Variants in PLEKHH2 observed in about 807,000 individuals in gnomAD.
The protein encoded by PLEKHH2 is pleckstrin homology domain-containing family H member 2.
In PLEKHH2, 129 loss-of-function variants were observed where a neutral mutation model predicts 187.9. The observed-to-expected ratio is 0.69, with a 90% CI of 0.59 to 0.79. The LOEUF (loss-of-function observed/expected upper bound fraction) is 0.79, where lower values mean the gene tolerates loss of function less well. PLEKHH2 is among the 30% of genes least tolerant of loss of function. The probability of loss-of-function intolerance (pLI) is 0.00; values close to 1 mark genes in which losing one functional copy is unlikely to be tolerated. For missense variants in PLEKHH2, 2,076 were observed against 1,751.2 expected (o/e 1.19, Z -3.31); for synonymous variants, 686 against 605.6 (o/e 1.13, Z -1.95).
intron 3 of PLEKHH2, among the ~76,000 whole-genome samples, chr2:43,689,764 GA>G (rs1273470384): frequency 1.3e-5 from 2 of 152,156 alleles, no homozygotes; most frequent in Admixed American, 1.3e-4. Context: ...TTGAATTAAA[GA>G]GCTTCAGACA....
chr2:43,765,301 CTG>C, intron 29 of PLEKHH2, 110 bp from the exon 30 acceptor site: 1 of 960,392 alleles, frequency 1.0e-6, no homozygotes, highest in Non-Finnish European at 1.5e-6. Flanking sequence ...GAAGGGAATT[CTG>C]GTAGCCTGGG....
intron 2 of PLEKHH2, among the ~76,000 whole-genome samples, chr2:43,669,402 C>A (rs1454139389): frequency 6.6e-6 from 1 of 151,988 alleles, no homozygotes; most frequent in Non-Finnish European, 1.5e-5. Context: ...TTGCACAACT[C>A]TTTGAATATA....
intron 24 of PLEKHH2, among the ~76,000 whole-genome samples, chr2:43,746,204 T>A (rs1163535985): frequency 1.3e-5 from 2 of 152,202 alleles, no homozygotes; most frequent in Non-Finnish European, 2.9e-5. Context: ...TAGACAAACA[T>A]CAGAAACACT....
intron 8 of PLEKHH2, among the ~76,000 whole-genome samples, chr2:43,701,665 C>G (rs1382291420): frequency 6.7e-6 from 1 of 150,268 alleles, no homozygotes; most frequent in East Asian, 1.9e-4. Context: ...AAATCTTCTT[C>G]CATTGAAACA....
intron 2 of PLEKHH2, among the ~76,000 whole-genome samples, chr2:43,659,571 C>CTT (rs111878541): frequency 1.1e-4 from 15 of 138,096 alleles, no homozygotes; most frequent in Non-Finnish European, 1.4e-4. Context: ...TTGCAAGGCA[C>CTT]TTTTTTTTTT....
At chr2:43,709,690 G>T (rs1047083254) in intron 11 of PLEKHH2, among the ~76,000 whole-genome samples, 1 of 152,134 alleles carries the variant, frequency 6.6e-6, no homozygotes, top group African/African-American at 2.4e-5. Flanking sequence ...ACAAAAATTA[G>T]CTGGGCGTGG....
chr2:43,745,838 A>C (rs752502703), intron 23 of PLEKHH2, 28 bp from the exon 24 acceptor site: 2 of 1,533,314 alleles, frequency 1.3e-6, no homozygotes, highest in Non-Finnish European at 1.8e-6. Flanking sequence ...AAAGTACTGT[A>C]AATCTCAGTT....
chr2:43,638,297 A>T (rs1703215182), intron 1 of PLEKHH2, among the ~76,000 whole-genome samples: 1 of 151,778 alleles, frequency 6.6e-6, no homozygotes, highest in South Asian at 2.1e-4. Flanking sequence ...ACTCACACAC[A>T]CGATTACCCA....
At chr2:43,726,878 G>A (rs1250517810) in intron 17 of PLEKHH2, among the ~76,000 whole-genome samples, 2 of 151,994 alleles carry the variant, frequency 1.3e-5, no homozygotes, top group African/African-American at 4.8e-5. Context: ...CAAATTAATG[G>A]GGAAGTAATA....
At chr2:43,715,378 C>G (rs1036707549) in intron 15 of PLEKHH2, among the ~76,000 whole-genome samples, 2 of 152,142 alleles carry the variant, frequency 1.3e-5, no homozygotes, top group South Asian at 4.1e-4. Context: ...TGGTGGAAAG[C>G]TATTTTTGTC....
chr2:43,744,035 GA>G, intron 23 of PLEKHH2, 46 bp downstream of exon 23: 1 of 1,575,332 alleles, frequency 6.3e-7, no homozygotes, highest in Middle Eastern at 1.7e-4. Context: ...GAACAGCAAA[GA>G]AGCTACTCTT....
At chr2:43,697,961 A>T (rs1170028853) in intron 7 of PLEKHH2, among the ~76,000 whole-genome samples, 3 of 151,694 alleles carry the variant, frequency 2.0e-5, no homozygotes, top group African/African-American at 7.3e-5. Context: ...GCTTCTATCA[A>T]AAAAAAAGAA....
At chr2:43,764,422 GC>G in intron 29 of PLEKHH2, 57 bp downstream of exon 29, 1 of 1,523,450 alleles carries the variant, frequency 6.6e-7, no homozygotes, top group Non-Finnish European at 9.0e-7. Flanking sequence ...CTTAGTCTTA[GC>G]CAGAAGGCCA....
intron 1 of PLEKHH2, among the ~76,000 whole-genome samples, chr2:43,637,730 C>A (rs1441831663): frequency 6.6e-6 from 1 of 152,176 alleles, no homozygotes; most frequent in African/African-American, 2.4e-5. Flanking sequence ...AGCGGGGCAG[C>A]CCAGGGTCCC....
chr2:43,743,738 T>C (rs1213488971), intron 22 of PLEKHH2, 96 bp from the exon 23 acceptor site: 2 of 1,113,866 alleles, frequency 1.8e-6, no homozygotes, highest in Non-Finnish European at 2.4e-6. Flanking sequence ...ATGTTATCAT[T>C]AATCATGCAT....
intron 13 of PLEKHH2, 40 bp from the exon 14 acceptor site, chr2:43,710,449 A>T (rs895446484): frequency 6.3e-7 from 1 of 1,586,924 alleles, no homozygotes; most frequent in Non-Finnish European, 8.5e-7. Flanking sequence ...TATTACTGTT[A>T]AAGTTAATCA....
chr2:43,676,776 G>C (rs1667821632), intron 2 of PLEKHH2, among the ~76,000 whole-genome samples: 2 of 152,068 alleles, frequency 1.3e-5, no homozygotes, highest in Non-Finnish European at 2.9e-5. Context: ...TAGTATTTGT[G>C]TGTCTGTGTG....
At chr2:43,695,348 G>T in intron 6 of PLEKHH2, 124 bp downstream of exon 6, 1 of 487,124 alleles carries the variant, frequency 2.1e-6, no homozygotes, top group East Asian at 3.4e-5. Context: ...TAAAATGAAA[G>T]AGAATTACTA....
intron 20 of PLEKHH2, 30 bp downstream of exon 20, chr2:43,738,550 C>T: frequency 6.6e-7 from 1 of 1,517,752 alleles, no homozygotes; most frequent in South Asian, 1.3e-5. Flanking sequence ...CATATACATG[C>T]AATTTAAAGT....
Sources: allele counts gnomAD v4.1 joint callset (sites outside exome capture counted in the v4.1 genomes callset), GRCh38; gene constraint gnomAD v4.1.1; transcripts MANE v1.5; gene names NCBI Gene and HGNC (gene_info 2026-07-23, HGNC 2026-07-21).